RYR2: variants seen among roughly 807,000 people sequenced by gnomAD.
The protein encoded by RYR2 is ryanodine receptor 2, also known as cardiac muscle ryanodine receptor-calcium release channel.
RYR2 carries 227 observed loss-of-function variants against 601.1 expected under a neutral mutation model. The observed-to-expected ratio is 0.38, with a 90% CI of 0.34 to 0.42. RYR2 has a LOEUF of 0.42. Among genes scored for constraint, RYR2 ranks in the 10% least tolerant of loss-of-function variants. The probability of loss-of-function intolerance (pLI) is 1.00; values close to 1 mark genes in which losing one functional copy is unlikely to be tolerated. For synonymous variants in RYR2, 2,223 were observed against 2,175.1 expected (o/e 1.02, Z -0.61); for missense variants, 4,646 against 6,156.5 (o/e 0.75, Z 8.21).
At chr1:237,090,485 G>A (rs997603695) in intron 1 of RYR2, among the ~76,000 whole-genome samples, 12 of 152,108 alleles carry the variant, frequency 7.9e-5, no homozygotes, top group African/African-American at 2.9e-4. Context: ...GGAAGGCCAG[G>A]AACCAACAGA....
At chr1:237,335,719 ATT>A (rs1478569998) in intron 3 of RYR2, among the ~76,000 whole-genome samples, 2 of 152,174 alleles carry the variant, frequency 1.3e-5, no homozygotes, top group African/African-American at 2.4e-5. Flanking sequence ...AAAATTAATC[ATT>A]CTTTGCTCCT....
intron 41 of RYR2, among the ~76,000 whole-genome samples, chr1:237,630,131 G>C (rs750986422): frequency 6.6e-6 from 1 of 152,074 alleles, no homozygotes; most frequent in Non-Finnish European, 1.5e-5. Context: ...CCATTAAAAA[G>C]TAAATCATTC....
intron 1 of RYR2, among the ~76,000 whole-genome samples, chr1:237,066,665 G>A (rs10754591): frequency 8.7e-5 from 13 of 149,370 alleles, no homozygotes; most frequent in African/African-American, 2.7e-4. Flanking sequence ...TCTTCGAGAC[G>A]GAGTCTCGCT....
chr1:237,662,651 C>T (rs781404552), intron 56 of RYR2, among the ~76,000 whole-genome samples: 211 of 152,320 alleles, frequency 1.4e-3, no homozygotes, highest in Admixed American at 2.0e-3. Flanking sequence ...TATCACTCCT[C>T]TTTCTCTTTC....
chr1:237,505,269 G>T (rs953283382), intron 22 of RYR2, among the ~76,000 whole-genome samples: 1 of 152,160 alleles, frequency 6.6e-6, no homozygotes, highest in African/African-American at 2.4e-5. Context: ...AGATGTAATG[G>T]TGTTCTGAGG....
At chr1:237,081,216 C>T (rs1421565454) in intron 1 of RYR2, among the ~76,000 whole-genome samples, 1 of 121,650 alleles carries the variant, frequency 8.2e-6, no homozygotes, top group Non-Finnish European at 1.6e-5. Flanking sequence ...ACCAGCATGG[C>T]ACATGTATAC....
At chr1:237,463,335 A>C (rs1402119113) in intron 16 of RYR2, among the ~76,000 whole-genome samples, 1 of 152,080 alleles carries the variant, frequency 6.6e-6, no homozygotes, top group Non-Finnish European at 1.5e-5. Context: ...TTGTTGCATA[A>C]ATTTTTAAAG....
intron 11 of RYR2, among the ~76,000 whole-genome samples, chr1:237,417,864 T>A (rs1313202286): frequency 2.6e-5 from 4 of 152,120 alleles, no homozygotes. Flanking sequence ...GTCCTTTGCC[T>A]AAAAGCAGTA....
chr1:237,258,791 T>A (rs1203984330), intron 1 of RYR2, among the ~76,000 whole-genome samples: 1 of 152,136 alleles, frequency 6.6e-6, no homozygotes, highest in Non-Finnish European at 1.5e-5. Context: ...AGGCGTTAAT[T>A]TAGAGTTTAT....
intron 1 of RYR2, among the ~76,000 whole-genome samples, chr1:237,115,235 C>T (rs1043749587): frequency 1.4e-4 from 17 of 119,656 alleles, no homozygotes; most frequent in African/African-American, 4.6e-4. Flanking sequence ...GTGGAAACCA[C>T]ACCCCCCCCC....
chr1:237,448,586 GTGTC>G (rs1368845781), intron 14 of RYR2, among the ~76,000 whole-genome samples: 5 of 152,046 alleles, frequency 3.3e-5, no homozygotes, highest in Non-Finnish European at 7.4e-5. Context: ...GTACTGAAAA[GTGTC>G]TGACTGTAAT....
At chr1:237,252,678 G>A (rs966526969) in intron 1 of RYR2, among the ~76,000 whole-genome samples, 1 of 152,126 alleles carries the variant, frequency 6.6e-6, no homozygotes, top group African/African-American at 2.4e-5. Context: ...TGTTTCCTGG[G>A]TACTTTGTTA....
chr1:237,615,242 G>A (rs1678338030), intron 37 of RYR2, among the ~76,000 whole-genome samples: 1 of 152,202 alleles, frequency 6.6e-6, no homozygotes, highest in African/African-American at 2.4e-5. Flanking sequence ...AGGCTGGAGT[G>A]CAGTGGTGGT....
intron 91 of RYR2, among the ~76,000 whole-genome samples, chr1:237,787,014 T>TTA (rs1657673820): frequency 6.6e-6 from 1 of 152,136 alleles, no homozygotes; most frequent in Non-Finnish European, 1.5e-5. Flanking sequence ...TAAGTATAGC[T>TTA]TATATATATT....
At chr1:237,406,933 C>A (rs1221729780) in intron 10 of RYR2, among the ~76,000 whole-genome samples, 1 of 152,190 alleles carries the variant, frequency 6.6e-6, no homozygotes, top group African/African-American at 2.4e-5. Flanking sequence ...CATGTATCCA[C>A]AATTGCAGTA....
Position 237,303,012 on chromosome 1 carries a change from A to T in RYR2, c.169-27866A>T, listed in dbSNP as rs76826840. 2.3e-4 allele frequency among the ~76,000 whole-genome samples: 35 copies of T among 152,286 alleles called. No homozygotes were observed. The East Asian group carries it at 6.8e-3, about 29-fold the overall frequency. On this transcript the variant is annotated intron_variant, in intron 2 of 104. Coordinates refer to ENST00000366574, the MANE Select transcript of RYR2 (RefSeq NM_001035.3). ...GCATCAAAATAAGAAAAATCTTGCT[A>T]ATCTGAAAGGCATAAGATCTCTGTT... is the stretch of plus-strand genomic sequence containing the variant.
At chr1:237,457,444 A>G (rs1028902038) in intron 16 of RYR2, among the ~76,000 whole-genome samples, 1 of 152,096 alleles carries the variant, frequency 6.6e-6, no homozygotes, top group Non-Finnish European at 1.5e-5. Flanking sequence ...TTTTTACCCT[A>G]TTTGCAAGCT....
intron 1 of RYR2, among the ~76,000 whole-genome samples, chr1:237,061,276 CATCTATCT>C (rs55852744): frequency 0.041 from 3,980 of 97,920 alleles, 158 homozygotes; most frequent in East Asian, 0.074. Context: ...ATCCATCTAT[CATCTATCT>C]ATCTATCTAT....
At chr1:237,172,945 G>A (rs1468838041) in intron 1 of RYR2, among the ~76,000 whole-genome samples, 3 of 152,168 alleles carry the variant, frequency 2.0e-5, no homozygotes, top group Non-Finnish European at 2.9e-5. Flanking sequence ...GATATCGAAT[G>A]ACAGAACTTG....
Sources: allele counts gnomAD v4.1 joint callset (sites outside exome capture counted in the v4.1 genomes callset), GRCh38; gene constraint gnomAD v4.1.1; transcripts MANE v1.5; gene names NCBI Gene and HGNC (gene_info 2026-07-23, HGNC 2026-07-21).